Variants in USP46 observed in about 807,000 individuals in gnomAD.
USP46 encodes ubiquitin specific peptidase 46.
USP46 carries 12 observed loss-of-function variants against 44.4 expected under a neutral mutation model. The observed-to-expected ratio is 0.27, with a 90% confidence interval of 0.17 to 0.44. USP46 has a LOEUF of 0.44. Ranked by LOEUF, USP46 falls within the 20% of genes least tolerant of loss-of-function variation. USP46 has a pLI of 1.00. For synonymous variants in USP46, 155 were observed against 161.5 expected, an observed-to-expected ratio of 0.96 and a Z score of 0.31; for missense variants, 248 against 444.8, an observed-to-expected ratio of 0.56 and a Z score of 3.98.
intron 2 of USP46, among the ~76,000 whole-genome samples, chr4:52,630,206 G>C (rs1717766653): frequency 6.6e-6 from 1 of 152,210 alleles, no homozygotes; most frequent in Admixed American, 6.5e-5. Flanking sequence ...CAAGGAAGCA[G>C]AGCTGCTGGG....
chr4:52,633,082 G>A lies in USP46; in HGVS notation c.37-1938C>T, dbSNP rs73135506. Among the ~76,000 whole-genome samples the A allele has an allele frequency of 6.2e-3, 944 of 152,182 alleles. 1 individual carries two copies. The highest frequency in any genetic ancestry group is 0.018 in the African/African-American group (738 of 41,510). On this transcript the variant is annotated intron_variant, in intron 1 of 8. Transcript: ENST00000441222. ...TTGATCTGCTGCTACTACTTATTTTGGACTCACAACTGGCATCTCCTCTCA... is the reference window on the plus strand; with the variant it reads ...TTGATCTGCTGCTACTACTTATTTTAGACTCACAACTGGCATCTCCTCTCA...
At chr4:52,638,080 G>C (rs1023029663) in intron 1 of USP46, among the ~76,000 whole-genome samples, 1 of 152,136 alleles carries the variant, frequency 6.6e-6, no homozygotes, top group Non-Finnish European at 1.5e-5. Context: ...CCATGATGAC[G>C]TTACCTTATG....
chr4:52,632,980 GAA>G lies in USP46; in HGVS notation c.37-1838_37-1837del, dbSNP rs375021775. Among the ~76,000 whole-genome samples the G allele has an allele frequency of 4.2e-3, 297 of 71,460 alleles. 18 individuals carry two copies. Among genetic ancestry groups the G allele is most frequent in the African/African-American group, 0.018 (260 of 14,164 alleles). 46.9% of individuals were successfully genotyped at this position (71,460 alleles called of 152,430 possible). A position where few individuals can be genotyped will look rare whatever the true frequency, so the allele number is the denominator to read the frequency against. On this transcript the variant is annotated intron_variant, in intron 1 of 8. Coordinates refer to ENST00000441222, the MANE Select transcript of USP46 (RefSeq NM_022832.4). ...AGAAAGAAAGAAAGAAAGAAAGAAA[GAA>G]AGAAAAGAAAAGAAAGAAAGAAAGA...
intron 6 of USP46, 65 bp from the exon 7 acceptor site, chr4:52,602,119 T>C: frequency 6.6e-7 from 1 of 1,515,358 alleles, no homozygotes; most frequent in Non-Finnish European, 8.9e-7. Flanking sequence ...GAATACACTG[T>C]CATCTGCACA....
chr4:52,625,310 C>A (rs956680111), intron 4 of USP46, among the ~76,000 whole-genome samples: 3 of 152,094 alleles, frequency 2.0e-5, no homozygotes, highest in African/African-American at 7.2e-5. Context: ...ATAATTTGCA[C>A]AGGTTCCACT....
intron 4 of USP46, among the ~76,000 whole-genome samples, chr4:52,614,590 A>G (rs1430784503): frequency 6.6e-6 from 1 of 152,214 alleles, no homozygotes; most frequent in Admixed American, 6.5e-5. Flanking sequence ...AGGCAAAATG[A>G]AGAGAATTCA....
chr4:52,641,804 C>T (rs1718352962), intron 1 of USP46, among the ~76,000 whole-genome samples: 1 of 152,152 alleles, frequency 6.6e-6, no homozygotes, highest in Non-Finnish European at 1.5e-5. Context: ...GACATGCAGC[C>T]TTTCTTTCAA....
intron 4 of USP46, among the ~76,000 whole-genome samples, chr4:52,616,436 A>G (rs1717150680): frequency 6.6e-6 from 1 of 152,062 alleles, no homozygotes; most frequent in South Asian, 2.1e-4. Context: ...GCAGTGGTGC[A>G]ATCTCAGCTC....
intron 1 of USP46, among the ~76,000 whole-genome samples, chr4:52,655,779 T>C (rs536041949): frequency 1.8e-4 from 27 of 152,184 alleles, no homozygotes; most frequent in Admixed American, 4.6e-4. Flanking sequence ...CCTGAGCAAG[T>C]TCATCAAGAA....
chr4:52,627,397 C>A (rs1227827958), intron 3 of USP46, among the ~76,000 whole-genome samples: 1 of 152,168 alleles, frequency 6.6e-6, no homozygotes, highest in Non-Finnish European at 1.5e-5. Flanking sequence ...CACCTAGTTT[C>A]TACTACCAAT....
At chr4:52,604,095 A>G (rs902313640) in intron 6 of USP46, among the ~76,000 whole-genome samples, 1 of 152,212 alleles carries the variant, frequency 6.6e-6, no homozygotes, top group Non-Finnish European at 1.5e-5. Flanking sequence ...CTAATGTTTA[A>G]GCAATACAAA....
At chr4:52,648,050 G>T (rs1718618817) in intron 1 of USP46, among the ~76,000 whole-genome samples, 1 of 152,230 alleles carries the variant, frequency 6.6e-6, no homozygotes, top group Admixed American at 6.5e-5. Flanking sequence ...ACCCAGGAAG[G>T]TAAGTTCTCT....
chr4:52,598,023 C>A (rs577005476), intron 8 of USP46, among the ~76,000 whole-genome samples: 103 of 152,322 alleles, frequency 6.8e-4, no homozygotes, highest in African/African-American at 2.3e-3. Flanking sequence ...AGATGGTAAA[C>A]TGATGGGTCC....
At chr4:52,648,389 T>C (rs982615165) in intron 1 of USP46, among the ~76,000 whole-genome samples, 1 of 152,216 alleles carries the variant, frequency 6.6e-6, no homozygotes, top group African/African-American at 2.4e-5. Flanking sequence ...ATAATGTTTT[T>C]GAAAAGGATT....
chr4:52,639,026 T>C (rs918497894), intron 1 of USP46, among the ~76,000 whole-genome samples: 5 of 152,198 alleles, frequency 3.3e-5, no homozygotes, highest in African/African-American at 1.2e-4. Flanking sequence ...TGCTAGCATT[T>C]TTCATTGGTA....
At chr4:52,598,853 T>G (rs1716345609) in intron 7 of USP46, 147 bp from the exon 8 acceptor site, 1 of 692,564 alleles carries the variant, frequency 1.4e-6, no homozygotes, top group African/African-American at 1.8e-5. Context: ...ATGTCTATGT[T>G]TACAACACCA....
Position 52,597,599 on chromosome 4 carries a change from G to T in USP46, c.*41C>A. On this transcript the variant is annotated 3_prime_UTR_variant, in exon 9 of 9. Transcript: ENST00000441222. ...CGGAGAAGCCGGGTGACAGTGCTGTGAACATTCTCCCCACGTGAATCAGTC... is the reference window on the plus strand; with the variant it reads ...CGGAGAAGCCGGGTGACAGTGCTGTTAACATTCTCCCCACGTGAATCAGTC... 1 of 1,416,802 alleles carries T rather than the reference G, an allele frequency of 7.1e-7. No homozygotes were observed. The highest frequency in any genetic ancestry group is 1.2e-5 in the South Asian group (1 of 80,020). 87.8% of individuals were successfully genotyped at this position (1,416,802 alleles called of 1,614,324 possible).
At chr4:52,652,139 T>C (rs1170012970) in intron 1 of USP46, among the ~76,000 whole-genome samples, 2 of 152,180 alleles carry the variant, frequency 1.3e-5, no homozygotes, top group African/African-American at 2.4e-5. Flanking sequence ...CATGAAAAGA[T>C]GTTCAACCTC....
intron 1 of USP46, among the ~76,000 whole-genome samples, chr4:52,648,267 C>A (rs1301013969): frequency 6.6e-6 from 1 of 152,186 alleles, no homozygotes; most frequent in Non-Finnish European, 1.5e-5. Context: ...ATTTGAGCCA[C>A]TACAAAAAAC....
Sources: gnomAD v4.1 joint callset for allele counts (sites outside exome capture counted in the v4.1 genomes callset) on GRCh38, gnomAD v4.1.1 for gene constraint, MANE v1.5 for transcripts, NCBI Gene and HGNC (gene_info 2026-07-23, HGNC 2026-07-21) for gene names.